The following VPS54 variants were observed in gnomAD, a reference collection of about 807,000 sequenced individuals.
The protein encoded by VPS54 is vacuolar protein sorting-associated protein 54.
A neutral mutation model predicts 121.5 loss-of-function variants in VPS54; 45 were observed. That is an observed-to-expected ratio of 0.37 (90% CI 0.29 to 0.47). VPS54 has a LOEUF of 0.47. VPS54 is among the 20% of genes least tolerant of loss of function. VPS54 has a pLI of 0.99. For missense variants in VPS54, 1,090 were observed against 1,131.4 expected (o/e 0.96, Z 0.52); for synonymous variants, 371 against 385.8 (o/e 0.96, Z 0.45).
chr2:63,947,283 A>AT (rs1675023241), intron 9 of VPS54, 100 bp downstream of exon 9: 2 of 1,112,050 alleles, frequency 1.8e-6, no homozygotes, highest in South Asian at 3.5e-5. Context: ...TAAATGAGCT[A>AT]TATTACTATT....
chr2:63,989,501 T>C (rs1677215255), intron 1 of VPS54, among the ~76,000 whole-genome samples: 1 of 152,256 alleles, frequency 6.6e-6, no homozygotes. Context: ...TTAGGGAAAA[T>C]AGAAAAGAAC....
rs753973351 is a variant in VPS54, at chr2:63,919,958, C to T, written c.2089G>A (p.Val697Ile). 4 of 1,612,078 alleles carry T rather than the reference C, an allele frequency of 2.5e-6. No individual in the cohort carries two copies. Among genetic ancestry groups the T allele is most frequent in the Non-Finnish European group, 3.4e-6 (4 of 1,178,762 alleles). The change falls in exon 15 of 23, where the codon GTT (valine) becomes ATT (isoleucine). Residue 697 changes from valine to isoleucine, a missense_variant. By Grantham distance (29) the Val-to-Ile change is conservative. This residue lies in a region of VPS54 where 289 missense variants were observed against 374.4 expected (regional missense o/e 0.77). Coordinates refer to ENST00000272322, the MANE Select transcript of VPS54 (RefSeq NM_016516.3). ...ACAAGATCCTGAAATTCTGCAGGAACATCTGCTTGCTTCCAGCGCTCATTG... is the reference window on the plus strand; with the variant it reads ...ACAAGATCCTGAAATTCTGCAGGAATATCTGCTTGCTTCCAGCGCTCATTG... ...LDNERWKQAD[V>I]PAEFQDLVDS...
chr2:63,961,491 A>C (rs1389391382), intron 7 of VPS54, among the ~76,000 whole-genome samples: 1 of 150,154 alleles, frequency 6.7e-6, no homozygotes, highest in Non-Finnish European at 1.5e-5. Flanking sequence ...AATGGAACGA[A>C]ATTTTGATGG....
chr2:63,996,759 C>T (rs990923437), intron 1 of VPS54, among the ~76,000 whole-genome samples: 6 of 152,274 alleles, frequency 3.9e-5, no homozygotes, highest in Admixed American at 1.3e-4. Flanking sequence ...ATGAAACACA[C>T]CCTAGTCTCC....
At chr2:63,957,785 T>C (rs1251352464) in intron 7 of VPS54, among the ~76,000 whole-genome samples, 1 of 152,128 alleles carries the variant, frequency 6.6e-6, no homozygotes, top group Non-Finnish European at 1.5e-5. Flanking sequence ...CATGAAAAAG[T>C]TGAGTATCCA....
Position 63,949,170 on chromosome 2 carries a change from A to C in VPS54, c.1011-7T>G. On this transcript the variant is annotated splice_region_variant and splice_polypyrimidine_tract_variant and intron_variant, in intron 7 of 22. Coordinates refer to ENST00000272322, the MANE Select transcript of VPS54 (RefSeq NM_016516.3). ...AAGCTGTGATCCCAAATGCCTAAAA[A>C]GGAAGAGAAAAATGTTATATTTATA... The C allele has an allele frequency of 1.2e-6, 2 of 1,602,380 alleles. No individual in the cohort carries two copies. Among genetic ancestry groups the C allele is most frequent in the Non-Finnish European group, 1.7e-6 (2 of 1,177,532 alleles).
At chr2:63,946,603 A>T (rs1674991163) in intron 9 of VPS54, among the ~76,000 whole-genome samples, 1 of 152,100 alleles carries the variant, frequency 6.6e-6, no homozygotes, top group Non-Finnish European at 1.5e-5. Context: ...TAATGATAAT[A>T]ATCAATTAAG....
chr2:63,902,204 G>A (rs1672706999), intron 20 of VPS54, among the ~76,000 whole-genome samples: 1 of 152,140 alleles, frequency 6.6e-6, no homozygotes, highest in Admixed American at 6.5e-5. Flanking sequence ...TTACCCTTAA[G>A]AGCCTAGCAA....
intron 1 of VPS54, among the ~76,000 whole-genome samples, chr2:64,015,733 G>A (rs894187513): frequency 6.6e-6 from 1 of 151,496 alleles, no homozygotes; most frequent in African/African-American, 2.4e-5. Context: ...AACTGGCCCT[G>A]TTAATTATAT....
At chr2:63,966,034 T>C (rs1173081820) in intron 5 of VPS54, 68 bp from the exon 6 acceptor site, 3 of 1,464,442 alleles carry the variant, frequency 2.0e-6, no homozygotes. Context: ...TCTTCTAACA[T>C]CATGATCATT....
chr2:63,950,131 A>G (rs907865844), intron 7 of VPS54, among the ~76,000 whole-genome samples: 1 of 152,082 alleles, frequency 6.6e-6, no homozygotes. Context: ...CACATCCACA[A>G]TCTCTTTCAT....
In VPS54 at chr2:63,942,550, T is replaced by A; in HGVS notation, c.1313A>T (p.Gln438Leu). ...DTDVVVKLADQMRMLNFPQWF... is the reference protein window; with the variant it reads ...DTDVVVKLADLMRMLNFPQWF... ...CTGGGGAAAATTCAACATTCTCATC[T>A]GATCTGCAAGCCTAGAAAAAAATAA... Residue 438 changes from glutamine (Q) to leucine (L), a missense_variant, in exon 11 of 23, where the codon CAG becomes CTG. This residue lies in a region of VPS54 where 801 missense variants were observed against 757.0 expected (regional missense o/e 1.06). Transcript: ENST00000272322. 6.3e-7 allele frequency: 1 copy of A among 1,587,496 alleles called. No homozygotes were observed. Among genetic ancestry groups the A allele is most frequent in the Non-Finnish European group, 8.6e-7 (1 of 1,165,432 alleles).
chr2:63,901,597 G>C (rs560080600), intron 20 of VPS54, among the ~76,000 whole-genome samples: 128 of 152,230 alleles, frequency 8.4e-4, no homozygotes, highest in South Asian at 1.7e-3. Flanking sequence ...CAAGGAAATA[G>C]AAACAAATGC....
chr2:63,921,485 G>T, intron 12 of VPS54, 150 bp from the exon 13 acceptor site: 1 of 758,026 alleles, frequency 1.3e-6, no homozygotes, highest in Non-Finnish European at 2.0e-6. Flanking sequence ...AGTTTTTATA[G>T]TGAAACATTA....
chr2:63,987,734 G>C (rs774808144), intron 1 of VPS54, among the ~76,000 whole-genome samples: 2 of 152,100 alleles, frequency 1.3e-5, no homozygotes, highest in Admixed American at 6.5e-5. Context: ...TCACTGTAGA[G>C]ACTTTTCACT....
At chr2:64,007,661 A>G in intron 1 of VPS54, among the ~76,000 whole-genome samples, 1 of 152,360 alleles carries the variant, frequency 6.6e-6, no homozygotes, top group East Asian at 1.9e-4. Flanking sequence ...ATGAATTAGT[A>G]GATAACTACA....
At position 63,972,222 on chromosome 2, in the gene VPS54, C is replaced by T. The variant is rs1676318805; in HGVS notation, c.401G>A (p.Cys134Tyr). 2 of 1,593,682 alleles carry T rather than the reference C, an allele frequency of 1.3e-6. No homozygotes were observed. The highest frequency in any genetic ancestry group is 1.7e-6 in the Non-Finnish European group (2 of 1,166,230). ...ISQREKIHER[C>Y]KNICPPKDTF... ...ATCTTTAGGAGGACAAATATTCTTGCATCTCTCATGAATCTTCTCTCTCTA... is the reference window on the plus strand; with the variant it reads ...ATCTTTAGGAGGACAAATATTCTTGTATCTCTCATGAATCTTCTCTCTCTA... The change falls in exon 4 of 23, where the codon TGC becomes TAC. Residue 134 changes from cysteine (C) to tyrosine (Y), a missense_variant. This residue lies in a region of VPS54 where 801 missense variants were observed against 757.0 expected (regional missense o/e 1.06). Transcript: ENST00000272322.
intron 12 of VPS54, among the ~76,000 whole-genome samples, chr2:63,925,479 A>T (rs1184494225): frequency 6.6e-6 from 1 of 152,254 alleles, no homozygotes; most frequent in East Asian, 1.9e-4. Flanking sequence ...CATTAGCTAA[A>T]TTGACCATTC....
intron 20 of VPS54, among the ~76,000 whole-genome samples, chr2:63,910,988 A>G (rs1272103185): frequency 6.6e-6 from 1 of 152,188 alleles, no homozygotes. Flanking sequence ...AGCTCACTGC[A>G]GGCTGGAACT....
Sources: allele counts gnomAD v4.1 joint callset (sites outside exome capture counted in the v4.1 genomes callset), GRCh38; gene constraint gnomAD v4.1.1; regional missense constraint gnomAD v4.1.1; transcripts MANE v1.5; gene names NCBI Gene and HGNC (gene_info 2026-07-23, HGNC 2026-07-21).